ADAMTS8: variants seen among roughly 807,000 people sequenced by gnomAD.
The protein encoded by ADAMTS8 is ADAM metallopeptidase with thrombospondin type 1 motif 8.
A neutral mutation model predicts 64.4 loss-of-function variants in ADAMTS8; 50 were observed. That is an observed-to-expected ratio of 0.78 (90% CI 0.62 to 0.98). The LOEUF is 0.98. Ranked by LOEUF, ADAMTS8 falls within the 50% of genes least tolerant of loss-of-function variation. The probability of loss-of-function intolerance (pLI) is 0.00; values close to 1 mark genes in which losing one functional copy is unlikely to be tolerated. For missense variants in ADAMTS8, 1,192 were observed against 1,208.2 expected (o/e 0.99, Z 0.20); for synonymous variants, 556 against 533.6 (o/e 1.04, Z -0.58).
At chr11:130,417,101 A>T in intron 2 of ADAMTS8, 26 bp from the exon 3 acceptor site, 1 of 1,612,728 alleles carries the variant, frequency 6.2e-7, no homozygotes, top group Non-Finnish European at 8.5e-7. Context: ...AGAGCAAGAG[A>T]GTGCATCAGT....
chr11:130,409,117 T>G (rs1861922582), intron 6 of ADAMTS8, among the ~76,000 whole-genome samples, 177 bp from the exon 7 acceptor site: 1 of 152,118 alleles, frequency 6.6e-6, no homozygotes, highest in Non-Finnish European at 1.5e-5. Context: ...TGACCCTTAC[T>G]CAAAAGGGCA....
rs745774950 is a variant in ADAMTS8 at position 130,419,179 on chromosome 11, C to G, written c.834G>C (p.Trp278Cys). The part of the protein sequence containing the change: ...VKVLIVEDEK[W>C]GPEVSDNGGL... ...CCCCATTGTCGGACACCTCTGGGCC[C>G]CATTTTTCATCTTCTACGATCAGCA... The change falls in exon 2 of 9, where the codon TGG (tryptophan) becomes TGC (cysteine). Residue 278 changes from tryptophan to cysteine, a missense_variant. Transcript: ENST00000257359. The G allele has an allele frequency of 6.2e-7, 1 of 1,614,208 alleles. No homozygotes were observed. Among genetic ancestry groups the G allele is most frequent in the Non-Finnish European group, 8.5e-7 (1 of 1,180,050 alleles).
chr11:130,412,144 C>T (rs1327392153), intron 5 of ADAMTS8: 3 of 153,322 alleles, frequency 2.0e-5, no homozygotes, highest in Non-Finnish European at 2.9e-5. Flanking sequence ...AAGGAAACAT[C>T]CCTGCGAGGT....
intron 1 of ADAMTS8, 54 bp downstream of exon 1, chr11:130,427,513 G>A: frequency 6.6e-7 from 1 of 1,510,322 alleles, no homozygotes; most frequent in Non-Finnish European, 8.9e-7. Flanking sequence ...GAGACGCTGG[G>A]AGGCGTCTGG....
intron 1 of ADAMTS8, among the ~76,000 whole-genome samples, chr11:130,426,978 A>G (rs1322924369): frequency 6.6e-6 from 1 of 152,234 alleles, no homozygotes; most frequent in East Asian, 1.9e-4. Flanking sequence ...AAGGTAGTCC[A>G]TGCCCCATTG....
chr11:130,416,971 G>C lies in ADAMTS8; in HGVS notation c.1065C>G (p.Leu355=). The part of the protein sequence containing the change: ...KSCSVIEDEG[L]QAAHTLAHEL... Reference sequence around the variant, plus strand: ...CATGGGCCAGGGTGTGGGCCGCCTGGAGCCCCTCATCCTCGATCACGGAGC... The same window carrying C: ...CATGGGCCAGGGTGTGGGCCGCCTGCAGCCCCTCATCCTCGATCACGGAGC... Residue 355 remains leucine, a synonymous_variant, in exon 3 of 9, where the codon CTC becomes CTG. Transcript: ENST00000257359. This position sits in a 1 kb window ranked among gnomAD's most constrained non-coding sequence, Gnocchi z 4.8. 1 of 1,614,114 alleles carries C rather than the reference G, an allele frequency of 6.2e-7. No homozygotes were observed. The highest frequency in any genetic ancestry group is 8.5e-7 in the Non-Finnish European group (1 of 1,180,032).
intron 6 of ADAMTS8, among the ~76,000 whole-genome samples, 171 bp from the exon 7 acceptor site, chr11:130,409,111 C>T (rs550072829): frequency 5.0e-4 from 76 of 152,058 alleles, no homozygotes; most frequent in Non-Finnish European, 9.0e-4. Flanking sequence ...CATGTGTGAC[C>T]CTTACTCAAA....
Position 130,408,512 on chromosome 11 carries a change from C to A in ADAMTS8, c.2051G>T (p.Gly684Val), listed in dbSNP as rs1185096835. ...RKLDKCGVCGGKGNSCRKVSG... is the reference protein window; with the variant it reads ...RKLDKCGVCGVKGNSCRKVSG... ...GACCTTCCTGCAGGAGTTGCCTTTG[C>A]CCCCACACACCCCGCATTTGTCCAG... The change falls in exon 8 of 9, where the codon GGC (glycine) becomes GTC (valine). Residue 684 changes from glycine to valine, a missense_variant. Coordinates refer to ENST00000257359, the MANE Select transcript of ADAMTS8 (RefSeq NM_007037.6). The A allele has an allele frequency of 6.2e-7, 1 of 1,614,062 alleles. No individual in the cohort carries two copies. Among genetic ancestry groups the A allele is most frequent in the South Asian group, 1.1e-5 (1 of 91,074 alleles).
At chr11:130,413,623 C>T (rs1861980684) in intron 5 of ADAMTS8, among the ~76,000 whole-genome samples, 1 of 152,238 alleles carries the variant, frequency 6.6e-6, no homozygotes, top group African/African-American at 2.4e-5. Context: ...TAAAAACCCT[C>T]ACTGGCACTG....
intron 1 of ADAMTS8, among the ~76,000 whole-genome samples, chr11:130,425,725 C>T (rs983780867): frequency 8.6e-5 from 13 of 151,958 alleles, no homozygotes; most frequent in East Asian, 1.9e-4. Flanking sequence ...CTCAGCCTCC[C>T]GAGTAGCTGG....
At position 130,427,892 on chromosome 11, in the gene ADAMTS8, T is replaced by G. The variant is rs549028348; in HGVS notation, c.395A>C (p.Glu132Ala). 5.1e-5 allele frequency: 79 copies of G among 1,534,138 alleles called. No homozygotes were observed. In the East Asian group the frequency reaches 1.9e-3, roughly 37 times the overall value. The part of the protein sequence containing the change: ...LSGSFLLDGE[E>A]FTIQPQGAGG... ...CGCGCCCTGCGGCTGGATGGTGAAC[T>G]CCTCGCCGTCCAGCAGGAAGGAGCC... Residue 132 changes from glutamate (E) to alanine (A), a missense_variant, in exon 1 of 9, where the codon GAG becomes GCG. Around this residue, in one of 5 missense-constraint regions of ADAMTS8, gnomAD observed 741 missense variants for 710.6 expected, o/e 1.04. Transcript: ENST00000257359.
At chr11:130,427,521 T>G (rs1592136633) in intron 1 of ADAMTS8, 46 bp downstream of exon 1, 5 of 1,415,392 alleles carry the variant, frequency 3.5e-6, no homozygotes, top group Non-Finnish European at 4.7e-6. Flanking sequence ...GGGAGGCGTC[T>G]GGGGGGCCTC....
At chr11:130,415,452 T>A (rs1862008942) in intron 4 of ADAMTS8, among the ~76,000 whole-genome samples, 1 of 151,504 alleles carries the variant, frequency 6.6e-6, no homozygotes, top group Non-Finnish European at 1.5e-5. Context: ...TACAGGCGTG[T>A]GCTACCACGC....
intron 1 of ADAMTS8, among the ~76,000 whole-genome samples, chr11:130,425,001 C>T (rs1393744886): frequency 2.6e-5 from 4 of 152,054 alleles, no homozygotes; most frequent in Admixed American, 6.6e-5. Flanking sequence ...CAGAGGTGCC[C>T]GATGCCTGTT....
At chr11:130,406,238 AAAGCAAGTAATT>A in intron 8 of ADAMTS8, 110 bp from the exon 9 acceptor site, 1 of 1,345,950 alleles carries the variant, frequency 7.4e-7, no homozygotes, top group Non-Finnish European at 9.9e-7. Context: ...CGAAAAAAAC[AAAGCAAGTAATT>A]AAGCAAGTTG....
chr11:130,421,453 C>G (rs932255478), intron 1 of ADAMTS8, among the ~76,000 whole-genome samples: 1 of 152,124 alleles, frequency 6.6e-6, no homozygotes, highest in Non-Finnish European at 1.5e-5. Context: ...CATTTAGCTT[C>G]GAGGGGTGGG....
chr11:130,409,570 A>G (rs1332538826), intron 6 of ADAMTS8, among the ~76,000 whole-genome samples: 2 of 152,124 alleles, frequency 1.3e-5, no homozygotes, highest in African/African-American at 4.8e-5. Flanking sequence ...ACATTTGAGC[A>G]TCTCTATCTG....
chr11:130,413,122 C>T (rs539875240), intron 5 of ADAMTS8, among the ~76,000 whole-genome samples: 5 of 152,198 alleles, frequency 3.3e-5, no homozygotes, highest in South Asian at 2.1e-4. Flanking sequence ...CCACCCGCCT[C>T]GGCCTCCCAA....
chr11:130,425,795 G>T (rs1376941461), intron 1 of ADAMTS8, among the ~76,000 whole-genome samples: 2 of 152,038 alleles, frequency 1.3e-5, no homozygotes, highest in African/African-American at 2.4e-5. Context: ...TAGAGACGGG[G>T]TTTCACCGTG....
Sources: allele counts gnomAD v4.1 joint callset (sites outside exome capture counted in the v4.1 genomes callset), GRCh38; gene constraint gnomAD v4.1.1; regional missense constraint gnomAD v4.1.1; non-coding constraint Gnocchi (gnomAD v3.1); transcripts MANE v1.5; gene names NCBI Gene and HGNC (gene_info 2026-07-23, HGNC 2026-07-21).